Variants in LRRC27 observed in about 807,000 individuals in gnomAD.
The protein encoded by LRRC27 is leucine-rich repeat-containing protein 27.
LRRC27 carries 57 observed loss-of-function variants against 55.0 expected under a neutral mutation model. The observed-to-expected ratio is 1.04, with a 90% CI of 0.84 to 1.29. LRRC27 has a LOEUF of 1.29. Among genes scored for constraint, LRRC27 ranks in the 50% most tolerant of loss-of-function variants. The pLI is 0.00. For missense variants in LRRC27, 721 were observed against 651.5 expected, an observed-to-expected ratio of 1.11 and a Z score of -1.16; for synonymous variants, 278 against 251.9, an observed-to-expected ratio of 1.10 and a Z score of -0.98.
At position 132,333,505 on chromosome 10, in the gene LRRC27, C is replaced by T; in HGVS notation, c.-20C>T. On this transcript the variant is annotated 5_prime_UTR_variant, in exon 2 of 11. Coordinates refer to ENST00000368614, the MANE Select transcript of LRRC27 (RefSeq NM_030626.3). ...ACTCCAGACCAAGGAGGATGAGCTG[C>T]TGTCCCTGGAAGAGAACGGATGGAG... 6.4e-7 allele frequency: 1 copy of T among 1,561,646 alleles called. No individual in the cohort carries two copies. Among genetic ancestry groups the T allele is most frequent in the Non-Finnish European group, 8.7e-7 (1 of 1,151,420 alleles).
rs892742079 is a variant in LRRC27, at chr10:132,375,141, C to A, written c.1492C>A (p.Leu498Ile). 6.2e-7 allele frequency: 1 copy of A among 1,614,036 alleles called. No homozygotes were observed. The highest frequency in any genetic ancestry group is 8.5e-7 in the Non-Finnish European group (1 of 1,180,024). ...GAACAAAGATCGTCGACGGGCGGCC[C>A]TCACTGGAAACCTTTCGCTTGGCCT... ...TLNKDRRRAA[L>I]TGNLSLGLPA... Residue 498 changes from leucine to isoleucine, a missense_variant, in exon 11 of 11, where the codon CTC becomes ATC. Leu to Ile is a conservative substitution (Grantham distance 5). Transcript: ENST00000368614.
intron 9 of LRRC27, among the ~76,000 whole-genome samples, chr10:132,364,075 C>T (rs1429275852): frequency 6.6e-6 from 1 of 152,014 alleles, no homozygotes; most frequent in Non-Finnish European, 1.5e-5. Flanking sequence ...AACCCCCCAT[C>T]ACCCTGGGCA....
intron 9 of LRRC27, among the ~76,000 whole-genome samples, chr10:132,361,828 T>C (rs1272559226): frequency 1.3e-5 from 2 of 151,870 alleles, no homozygotes; most frequent in Non-Finnish European, 2.9e-5. Context: ...GGATACAGAG[T>C]GCTCCCGAGC....
chr10:132,365,439 A>G lies in LRRC27; in HGVS notation c.1305A>G (p.Arg435=). Residue 435 remains arginine (R), a synonymous_variant, in exon 10 of 11, where the codon AGA becomes AGG. Transcript: ENST00000368614. ...TGTTTCTCAGTGCCCTGCAGGAGAG[A>G]AATTTAGAAGAGAAGATAAAACAGC... ...ASKEMSALQE[R]NLEEKIKQHV... 1 of 1,613,684 alleles carries G rather than the reference A, an allele frequency of 6.2e-7. No individual in the cohort carries two copies. Among genetic ancestry groups the G allele is most frequent in the Non-Finnish European group, 8.5e-7 (1 of 1,179,972 alleles).
At chr10:132,355,944 C>A in intron 8 of LRRC27, 58 bp downstream of exon 8, 1 of 1,224,012 alleles carries the variant, frequency 8.2e-7, no homozygotes, top group Non-Finnish European at 1.2e-6. Flanking sequence ...TGGGTGGGTG[C>A]TCACAGGCAT....
At position 132,348,131 on chromosome 10, in the gene LRRC27, C is replaced by G; in HGVS notation, c.701C>G (p.Pro234Arg). The G allele has an allele frequency of 6.2e-7, 1 of 1,614,102 alleles. No homozygotes were observed. Among genetic ancestry groups the G allele is most frequent in the Non-Finnish European group, 8.5e-7 (1 of 1,180,024 alleles). ...AAAGAGAAGGCCAGCTTTCTCCCAC[C>G]TGTGGAAAAGCCAGACCTGAGTGAA... Reference protein sequence around the residue: ...VMKEKASFLPPVEKPDLSELR... With the variant: ...VMKEKASFLPRVEKPDLSELR... The change falls in exon 6 of 11, where the codon CCT becomes CGT. Residue 234 changes from proline to arginine, a missense_variant. Physicochemically the swap from Pro to Arg is moderately radical, Grantham distance 103. Coordinates refer to ENST00000368614, the MANE Select transcript of LRRC27 (RefSeq NM_030626.3). The surrounding 1 kb of genome is among the most constrained non-coding windows in gnomAD (Gnocchi z 4.2).
chr10:132,333,447 C>A, intron 1 of LRRC27, 30 bp from the exon 2 acceptor site: 1 of 1,110,490 alleles, frequency 9.0e-7, no homozygotes. Context: ...TAATTAGTTG[C>A]TTCTACGTTT....
At chr10:132,356,006 A>G (rs1463054693) in intron 8 of LRRC27, 120 bp downstream of exon 8, 2 of 676,106 alleles carry the variant, frequency 3.0e-6, no homozygotes, top group South Asian at 1.7e-5. Flanking sequence ...GGGTGCTCAC[A>G]CGCATCCCTG....
Position 132,359,154 on chromosome 10 carries a change from C to CAGCGTGGGAAGGAGCCGAGGTGGTGG in LRRC27, c.1171-2295_1171-2294insAAGGAGCCGAGGTGGTGGAGCGTGGG. Among the ~76,000 whole-genome samples, 2 of 87,994 alleles carry CAGCGTGGGAAGGAGCCGAGGTGGTGG rather than the reference C, an allele frequency of 2.3e-5. 1 individual carries two copies. The highest frequency in any genetic ancestry group is 5.6e-5 in the Non-Finnish European group (2 of 35,578). 57.7% of individuals were successfully genotyped at this position (87,994 alleles called of 152,430 possible). On this transcript the variant is annotated intron_variant, in intron 8 of 10. Transcript: ENST00000368614. ...GTGGGAAGGAGCCGAGGTGGTGGAGCAGCGTGGGGAGGTGCTGAGGTGGTG... is the reference window on the plus strand; with the variant it reads ...GTGGGAAGGAGCCGAGGTGGTGGAGCAGCGTGGGAAGGAGCCGAGGTGGTGGAGCGTGGGGAGGTGCTGAGGTGGTG...
chr10:132,354,875 C>T (rs1223465397), intron 7 of LRRC27, among the ~76,000 whole-genome samples: 1 of 152,218 alleles, frequency 6.6e-6, no homozygotes, highest in Non-Finnish European at 1.5e-5. Context: ...GGCTGGAGAG[C>T]TGGCCTTCCG....
intron 10 of LRRC27, among the ~76,000 whole-genome samples, chr10:132,371,223 G>A (rs560634474): frequency 5.3e-5 from 8 of 152,230 alleles, no homozygotes; most frequent in Non-Finnish European, 1.0e-4. Context: ...GGCGTGCGTC[G>A]GGAGCACCCC....
intron 9 of LRRC27, among the ~76,000 whole-genome samples, chr10:132,363,293 C>T (rs1396524757): frequency 6.6e-6 from 1 of 152,022 alleles, no homozygotes; most frequent in Non-Finnish European, 1.5e-5. Context: ...CGGGGTTCAC[C>T]CCTCTCACCT....
chr10:132,352,026 G>GGT (rs2068042757), intron 7 of LRRC27, among the ~76,000 whole-genome samples: 1 of 118,096 alleles, frequency 8.5e-6, no homozygotes, highest in Admixed American at 8.3e-5. Context: ...CAGGCGCTGA[G>GGT]GCCTCCGTGT....
At chr10:132,346,539 G>T (rs933715606) in intron 5 of LRRC27, among the ~76,000 whole-genome samples, 1 of 152,152 alleles carries the variant, frequency 6.6e-6, no homozygotes, top group Non-Finnish European at 1.5e-5. Flanking sequence ...AGTTGGGCGT[G>T]GTCGTGGGCA....
chr10:132,370,421 G>C lies in LRRC27; in HGVS notation c.1417-4645G>C, dbSNP rs182817758. 3.1e-3 allele frequency among the ~76,000 whole-genome samples: 474 copies of C among 152,300 alleles called. 1 individual carries two copies. Among genetic ancestry groups the C allele is most frequent in the African/African-American group, 0.011 (455 of 41,560 alleles). On this transcript the variant is annotated intron_variant, in intron 10 of 10. Coordinates refer to ENST00000368614, the MANE Select transcript of LRRC27 (RefSeq NM_030626.3). ...CCTTGAGCCCAGAGGATGCCCATGAGGTGGGTCCCTTCACTTCAGTCCTGG... is the reference window on the plus strand; with the variant it reads ...CCTTGAGCCCAGAGGATGCCCATGACGTGGGTCCCTTCACTTCAGTCCTGG...
rs1449921114 is a variant in LRRC27 at position 132,352,608 on chromosome 10, T to A, written c.1073+855T>A. 3.5e-5 allele frequency among the ~76,000 whole-genome samples: 4 copies of A among 114,770 alleles called. 1 individual carries two copies. The highest frequency in any genetic ancestry group is 5.2e-5 in the Non-Finnish European group (3 of 57,396). 75.3% of individuals were successfully genotyped at this position (114,770 alleles called of 152,430 possible). A position where few individuals can be genotyped will look rare whatever the true frequency, so the allele number is the denominator to read the frequency against. On this transcript the variant is annotated intron_variant, in intron 7 of 10. Coordinates refer to ENST00000368614, the MANE Select transcript of LRRC27 (RefSeq NM_030626.3). ...TGGGGCAGGCGCTGAGGCCTCCGTGTGGGGCAGGCGCAGGTGCAGCGCTCC... is the reference window on the plus strand; with the variant it reads ...TGGGGCAGGCGCTGAGGCCTCCGTGAGGGGCAGGCGCAGGTGCAGCGCTCC...
intron 4 of LRRC27, among the ~76,000 whole-genome samples, chr10:132,342,930 T>C (rs949912551): frequency 6.6e-6 from 1 of 152,210 alleles, no homozygotes; most frequent in South Asian, 2.1e-4. Flanking sequence ...TGTATACGCA[T>C]GTATACATAA....
At chr10:132,335,958 C>T (rs574322515) in intron 2 of LRRC27, among the ~76,000 whole-genome samples, 1 of 152,294 alleles carries the variant, frequency 6.6e-6, no homozygotes, top group South Asian at 2.1e-4. Context: ...AACAAGCAGG[C>T]ATCGGCTATC....
At chr10:132,340,140 T>C (rs1401613224) in intron 3 of LRRC27, among the ~76,000 whole-genome samples, 2 of 152,338 alleles carry the variant, frequency 1.3e-5, no homozygotes, top group East Asian at 3.9e-4. Context: ...TTTACCTCCT[T>C]AGGCCAACAA....
Sources: allele counts gnomAD v4.1 joint callset (sites outside exome capture counted in the v4.1 genomes callset), GRCh38; gene constraint gnomAD v4.1.1; non-coding constraint Gnocchi (gnomAD v3.1); transcripts MANE v1.5; gene names NCBI Gene and HGNC (gene_info 2026-07-23, HGNC 2026-07-21).